The following CADPS variants were observed in gnomAD, a reference collection of about 807,000 sequenced individuals.
CADPS encodes calcium-dependent secretion activator 1.
A neutral mutation model predicts 167.3 loss-of-function variants in CADPS; 57 were observed. That is an observed-to-expected ratio of 0.34 (90% confidence interval 0.28 to 0.42). The LOEUF (loss-of-function observed/expected upper bound fraction) is 0.42, where lower values mean the gene tolerates loss of function less well. Among genes scored for constraint, CADPS ranks in the 20% least tolerant of loss-of-function variants. The pLI is 1.00. For synonymous variants in CADPS, 676 were observed against 635.3 expected, an observed-to-expected ratio of 1.06 and a Z score of -0.96; for missense variants, 1,414 against 1,738.1, an observed-to-expected ratio of 0.81 and a Z score of 3.32.
chr3:62,450,777 A>T (rs1232377625), intron 26 of CADPS, among the ~76,000 whole-genome samples: 1 of 151,632 alleles, frequency 6.6e-6, no homozygotes, highest in Non-Finnish European at 1.5e-5. Context: ...TACAGGTACC[A>T]CATTAGGAGC....
At chr3:62,657,476 A>T (rs1441493209) in intron 4 of CADPS, among the ~76,000 whole-genome samples, 1 of 152,170 alleles carries the variant, frequency 6.6e-6, no homozygotes, top group Non-Finnish European at 1.5e-5. Context: ...CTTAAGCTCA[A>T]ATGTCAACTT....
rs1560053172 is a variant in CADPS at position 62,874,967 on chromosome 3, C to T, written c.63G>A (p.Lys21=). 6.3e-7 allele frequency: 1 copy of T among 1,591,470 alleles called. No homozygotes were observed. Among genetic ancestry groups the T allele is most frequent in the Admixed American group, 1.7e-5 (1 of 58,748 alleles). The part of the protein sequence containing the change: ...SDEIVEEESG[K]EVLGSAPSGA... ...CGGACGGGGCCGAGCCGAGCACCTCCTTGCCGCTCTCCTCCTCCACGATCT... is the reference window on the plus strand; with the variant it reads ...CGGACGGGGCCGAGCCGAGCACCTCTTTGCCGCTCTCCTCCTCCACGATCT... The change falls in exon 1 of 30, where the codon AAG becomes AAA. Residue 21 remains lysine (K), a synonymous_variant. Transcript: ENST00000383710. The surrounding 1 kb of genome is among the most constrained non-coding windows in gnomAD (Gnocchi z 7.1).
chr3:62,414,764 C>T (rs1045735399), intron 28 of CADPS, among the ~76,000 whole-genome samples: 1 of 152,180 alleles, frequency 6.6e-6, no homozygotes, highest in Non-Finnish European at 1.5e-5. Context: ...CCCACTAGGC[C>T]CAAATAGAGG....
At chr3:62,447,838 A>G (rs1217762596) in intron 26 of CADPS, among the ~76,000 whole-genome samples, 3 of 152,122 alleles carry the variant, frequency 2.0e-5, no homozygotes, top group Admixed American at 2.0e-4. Context: ...TTTCCTCGCC[A>G]TTGCTATGCT....
chr3:62,657,550 T>A (rs909330816), intron 4 of CADPS, among the ~76,000 whole-genome samples: 1 of 152,152 alleles, frequency 6.6e-6, no homozygotes, highest in Non-Finnish European at 1.5e-5. Flanking sequence ...CACTTTAATA[T>A]CAACATGAGA....
intron 3 of CADPS, among the ~76,000 whole-genome samples, chr3:62,708,840 G>A (rs1438018407): frequency 6.6e-6 from 1 of 151,976 alleles, no homozygotes; most frequent in African/African-American, 2.4e-5. Flanking sequence ...GGTAGGGGCG[G>A]AGTAAGAGCA....
rs1000226047 is a variant in CADPS at position 62,543,204 on chromosome 3, T to A, written c.1967-6623A>T. 5.9e-5 allele frequency among the ~76,000 whole-genome samples: 9 copies of A among 152,196 alleles called. No individual in the cohort carries two copies. The South Asian group carries it at 8.3e-4, about 14-fold the overall frequency. On this transcript the variant is annotated intron_variant, in intron 11 of 29. Transcript: ENST00000383710. ...AGGGACATGATTTACAGTATGGTTT[T>A]GGGTCAAACAAATTATGTTAATATT...
chr3:62,569,009 G>A (rs777581698), intron 9 of CADPS, among the ~76,000 whole-genome samples: 92 of 152,192 alleles, frequency 6.0e-4, no homozygotes, highest in Non-Finnish European at 2.2e-4. Context: ...TCCACACAAA[G>A]TAGGTGCTCA....
At chr3:62,609,106 A>G (rs1191463633) in intron 6 of CADPS, among the ~76,000 whole-genome samples, 1 of 152,206 alleles carries the variant, frequency 6.6e-6, no homozygotes, top group African/African-American at 2.4e-5. Flanking sequence ...AATGCATTTG[A>G]CAATAACAAA....
chr3:62,599,612 TATATATAATATATAATATAATAAATATA>T (rs2059427673), intron 6 of CADPS, among the ~76,000 whole-genome samples: 1 of 59,602 alleles, frequency 1.7e-5, no homozygotes, highest in African/African-American at 6.4e-5. Flanking sequence ...TTTATTATAT[TATATATAATATATAATATAATAAATATA>T]ATATATAATA....
intron 3 of CADPS, among the ~76,000 whole-genome samples, chr3:62,751,693 T>A (rs2082741387): frequency 6.6e-6 from 1 of 152,180 alleles, no homozygotes; most frequent in Non-Finnish European, 1.5e-5. Flanking sequence ...AGTGCTGAGA[T>A]TACAGGCATG....
rs2149420164 is a variant in CADPS, at chr3:62,421,074, G to A, written c.3777+17030C>T. Among the ~76,000 whole-genome samples the A allele has an allele frequency of 6.6e-6, 1 of 152,266 alleles. No individual in the cohort carries two copies. The highest frequency in any genetic ancestry group is 2.1e-4 in the South Asian group (1 of 4,820). ...AGATGGTTTGGGATCCACCAGCCAG[G>A]AGGTAAGAAGTCTGCGTCAGGTCCC... On this transcript the variant is annotated intron_variant, in intron 28 of 29. Coordinates refer to ENST00000383710, the MANE Select transcript of CADPS (RefSeq NM_003716.4). The surrounding 1 kb of genome is among the most constrained non-coding windows in gnomAD (Gnocchi z 4.7).
Position 62,549,976 on chromosome 3 carries a change from G to C in CADPS, c.1893C>G (p.Pro631=). 6.2e-7 allele frequency: 1 copy of C among 1,614,036 alleles called. No homozygotes were observed. The highest frequency in any genetic ancestry group is 1.1e-5 in the South Asian group (1 of 91,066). The part of the protein sequence containing the change: ...RATGQSHKPV[P]PTQVQKLNAK... Reference sequence around the variant, plus strand: ...CGTTGAGTTTCTGGACTTGGGTCGGGGGCACAGGCTTGTGTGACTGCCCCG... The same window carrying C: ...CGTTGAGTTTCTGGACTTGGGTCGGCGGCACAGGCTTGTGTGACTGCCCCG... Residue 631 remains proline, a synonymous_variant, in exon 11 of 30, where the codon CCC becomes CCG. Transcript: ENST00000383710.
At chr3:62,700,006 T>C (rs1210353472) in intron 3 of CADPS, among the ~76,000 whole-genome samples, 2 of 152,132 alleles carry the variant, frequency 1.3e-5, no homozygotes, top group African/African-American at 4.8e-5. Flanking sequence ...ATTGCTCCTT[T>C]ACAGAAAATG....
chr3:62,833,460 G>C (rs947345312), intron 1 of CADPS, among the ~76,000 whole-genome samples: 5 of 151,808 alleles, frequency 3.3e-5, no homozygotes, highest in African/African-American at 1.2e-4. Context: ...AGGCTGAGGA[G>C]GGAGGAGGAT....
intron 12 of CADPS, among the ~76,000 whole-genome samples, chr3:62,535,346 A>C (rs2152022284): frequency 6.6e-6 from 1 of 151,644 alleles, no homozygotes; most frequent in South Asian, 2.1e-4. Flanking sequence ...CTTTCATGAG[A>C]TACAGATTAA....
At chr3:62,568,511 C>A (rs1562273932) in intron 9 of CADPS, among the ~76,000 whole-genome samples, 1 of 152,168 alleles carries the variant, frequency 6.6e-6, no homozygotes, top group Non-Finnish European at 1.5e-5. Context: ...GGTTCTTTGG[C>A]CTTTATACAC....
intron 3 of CADPS, among the ~76,000 whole-genome samples, chr3:62,744,882 C>A (rs1408870982): frequency 2.6e-5 from 4 of 152,178 alleles, no homozygotes; most frequent in African/African-American, 9.7e-5. Context: ...TTGCTGTTAG[C>A]ATCTTGGTAA....
At chr3:62,559,071 T>C (rs2078692250) in intron 9 of CADPS, among the ~76,000 whole-genome samples, 1 of 152,158 alleles carries the variant, frequency 6.6e-6, no homozygotes, top group Admixed American at 6.5e-5. Context: ...GCTAGAGAAT[T>C]AATTGAGTTT....
Sources: gnomAD v4.1 joint callset for allele counts (sites outside exome capture counted in the v4.1 genomes callset) on GRCh38, gnomAD v4.1.1 for gene constraint, Gnocchi (gnomAD v3.1) non-coding constraint, MANE v1.5 for transcripts, NCBI Gene and HGNC (gene_info 2026-07-23, HGNC 2026-07-21) for gene names.